The following STMN2 variants were observed in gnomAD, a reference collection of about 807,000 sequenced individuals.
STMN2 encodes stathmin-2.
Under a neutral mutation model 24.1 loss-of-function variants are expected in STMN2, and 2 were observed. The ratio of observed to expected loss-of-function variants is 0.08; its 90% CI spans 0.03 to 0.26. The LOEUF (loss-of-function observed/expected upper bound fraction) is 0.26. Ranked by LOEUF, STMN2 falls within the 10% of genes least tolerant of loss-of-function variation. STMN2 has a pLI of 1.00. For missense variants in STMN2, 114 were observed against 213.6 expected (o/e 0.53, Z 2.91); for synonymous variants, 83 against 77.5 (o/e 1.07, Z -0.37).
chr8:79,640,244 T>C (rs1358109165), intron 2 of STMN2, among the ~76,000 whole-genome samples: 1 of 152,204 alleles, frequency 6.6e-6, no homozygotes, highest in Non-Finnish European at 1.5e-5. Context: ...ACTGAAATTA[T>C]GTATTCTTTG....
intron 3 of STMN2, among the ~76,000 whole-genome samples, chr8:79,646,704 G>A (rs1185978304): frequency 6.6e-6 from 1 of 152,170 alleles, no homozygotes; most frequent in Non-Finnish European, 1.5e-5. Context: ...GACTTCACAT[G>A]AAATGGGAGA....
chr8:79,618,393 T>G (rs1809432408), intron 1 of STMN2, among the ~76,000 whole-genome samples: 1 of 152,234 alleles, frequency 6.6e-6, no homozygotes, highest in South Asian at 2.1e-4. Flanking sequence ...AACATTGACT[T>G]AATCTCCTCA....
chr8:79,644,190 A>C (rs1284457569), intron 3 of STMN2, among the ~76,000 whole-genome samples: 3 of 152,226 alleles, frequency 2.0e-5, no homozygotes, highest in Non-Finnish European at 4.4e-5. Context: ...ACCCAACTCA[A>C]CTAGTTAAAA....
intron 1 of STMN2, among the ~76,000 whole-genome samples, chr8:79,627,703 A>T (rs1809689889): frequency 6.6e-6 from 1 of 150,790 alleles, no homozygotes; most frequent in East Asian, 2.0e-4. Flanking sequence ...TCATATATAT[A>T]CTTATTATGA....
chr8:79,627,492 G>A (rs1218445763), intron 1 of STMN2, among the ~76,000 whole-genome samples: 1 of 152,180 alleles, frequency 6.6e-6, no homozygotes, highest in East Asian at 1.9e-4. Flanking sequence ...TTCAAAGGGA[G>A]TTCCAGATGG....
chr8:79,612,476 C>T (rs1357166215), intron 1 of STMN2, among the ~76,000 whole-genome samples: 1 of 152,104 alleles, frequency 6.6e-6, no homozygotes, highest in Non-Finnish European at 1.5e-5. Flanking sequence ...AGTTAAGCCA[C>T]GCGAAATTTC....
Position 79,613,860 on chromosome 8 carries a change from G to A in STMN2, c.19+2646G>A, listed in dbSNP as rs1020498768. ...TCATGTGGCTAAGATACATGTGCAA[G>A]TGCTTGCTAAGAGCAGGGTTTGTGT... On this transcript the variant is annotated intron_variant, in intron 1 of 4. Coordinates refer to ENST00000220876, the MANE Select transcript of STMN2 (RefSeq NM_007029.4). The A allele has an allele frequency of 4.1e-6, 4 of 982,068 alleles. No individual in the cohort carries two copies. In the African/African-American group the frequency reaches 7.0e-5, roughly 17 times the overall value. The allele number at this position is 982,068 out of a possible 1,614,324, so 60.8% of individuals were successfully genotyped here. A position where few individuals can be genotyped will look rare whatever the true frequency, so the allele number is the denominator to read the frequency against.
chr8:79,658,065 G>C (rs1323569145), intron 4 of STMN2, among the ~76,000 whole-genome samples: 1 of 152,202 alleles, frequency 6.6e-6, no homozygotes, highest in African/African-American at 2.4e-5. Context: ...CAAGGCAAGA[G>C]AATTGCTTGA....
At chr8:79,652,705 A>T (rs1232751163) in intron 3 of STMN2, among the ~76,000 whole-genome samples, 1 of 152,030 alleles carries the variant, frequency 6.6e-6, no homozygotes, top group Non-Finnish European at 1.5e-5. Flanking sequence ...CACTGCATTA[A>T]ATACCTTGCA....
chr8:79,625,956 T>C (rs1005656617), intron 1 of STMN2, among the ~76,000 whole-genome samples: 3 of 152,066 alleles, frequency 2.0e-5, no homozygotes, highest in Non-Finnish European at 4.4e-5. Context: ...CAAAAAACTC[T>C]GACTCAAAAA....
At chr8:79,615,220 C>A (rs898084922) in intron 1 of STMN2, among the ~76,000 whole-genome samples, 1 of 152,190 alleles carries the variant, frequency 6.6e-6, no homozygotes, top group African/African-American at 2.4e-5. Context: ...TAGGAAAATT[C>A]CGGATTTATC....
intron 1 of STMN2, among the ~76,000 whole-genome samples, chr8:79,619,426 C>T (rs1489872715): frequency 6.6e-6 from 1 of 152,142 alleles, no homozygotes; most frequent in East Asian, 1.9e-4. Context: ...AACAAAGCTG[C>T]TCACAGTAAA....
intron 1 of STMN2, among the ~76,000 whole-genome samples, chr8:79,632,823 T>G (rs1318754811): frequency 1.3e-5 from 2 of 152,174 alleles, no homozygotes; most frequent in African/African-American, 4.8e-5. Context: ...TACTGCACTA[T>G]CAATTCCAAA....
chr8:79,615,860 A>G (rs1809371617), intron 1 of STMN2, among the ~76,000 whole-genome samples: 1 of 152,198 alleles, frequency 6.6e-6, no homozygotes, highest in Non-Finnish European at 1.5e-5. Flanking sequence ...TTTACTTCTC[A>G]GTTTTATTAC....
chr8:79,629,355 T>C (rs1809744481), intron 1 of STMN2, among the ~76,000 whole-genome samples: 1 of 152,218 alleles, frequency 6.6e-6, no homozygotes, highest in Non-Finnish European at 1.5e-5. Context: ...TACTTAAGTA[T>C]GACTAGCAAA....
At chr8:79,659,873 C>G (rs560578373) in intron 4 of STMN2, among the ~76,000 whole-genome samples, 1 of 149,784 alleles carries the variant, frequency 6.7e-6, no homozygotes, top group Non-Finnish European at 1.5e-5. Flanking sequence ...CTCCAAAAAG[C>G]CTGGATATAG....
In STMN2 at chr8:79,658,770, T is replaced by C. The variant is rs1018959503; in HGVS notation, c.480+3708T>C. 4.6e-5 allele frequency among the ~76,000 whole-genome samples: 7 copies of C among 152,330 alleles called. No individual in the cohort carries two copies. The East Asian group carries it at 1.4e-3, about 29-fold the overall frequency. ...CACCATGATGCCCATAATGGTATCT[T>C]CAATGTCACTGACTGATAAATTCCC... On this transcript the variant is annotated intron_variant, in intron 4 of 4. Coordinates refer to ENST00000220876, the MANE Select transcript of STMN2 (RefSeq NM_007029.4).
At chr8:79,662,674 A>G (rs557976908) in intron 4 of STMN2, among the ~76,000 whole-genome samples, 250 of 152,246 alleles carry the variant, frequency 1.6e-3, no homozygotes, top group African/African-American at 5.6e-3. Context: ...CTCACAAATT[A>G]TATTTATTCT....
chr8:79,614,119 C>T (rs1809323972), intron 1 of STMN2, among the ~76,000 whole-genome samples: 1 of 152,144 alleles, frequency 6.6e-6, no homozygotes, highest in Non-Finnish European at 1.5e-5. Context: ...TAGCCGCCAT[C>T]CAAATAAAAA....
Sources: gnomAD v4.1 joint callset for allele counts (sites outside exome capture counted in the v4.1 genomes callset) on GRCh38, gnomAD v4.1.1 for gene constraint, MANE v1.5 for transcripts, NCBI Gene and HGNC (gene_info 2026-07-23, HGNC 2026-07-21) for gene names.